TSEN2: variants seen among roughly 807,000 people sequenced by gnomAD.
TSEN2 encodes tRNA splicing endonuclease subunit 2.
In TSEN2, 54 loss-of-function variants were observed where a neutral mutation model predicts 59.2. The ratio of observed to expected loss-of-function variants is 0.91; its 90% CI spans 0.73 to 1.14. TSEN2 has a LOEUF of 1.14. Among genes scored for constraint, TSEN2 ranks in the 50% most tolerant of loss-of-function variants. The pLI is 0.00. For synonymous variants in TSEN2, 195 were observed against 198.2 expected, an observed-to-expected ratio of 0.98 and a Z score of 0.14; for missense variants, 636 against 576.2, an observed-to-expected ratio of 1.10 and a Z score of -1.06.
intron 6 of TSEN2, chr3:12,514,774 G>C (rs963209567): frequency 1.3e-5 from 2 of 152,136 alleles, no homozygotes; most frequent in Non-Finnish European, 2.9e-5. Context: ...CCTGCCCACG[G>C]ATGACACAAG....
At chr3:12,498,292 G>C (rs1326144446) in intron 4 of TSEN2, among the ~76,000 whole-genome samples, 1 of 152,086 alleles carries the variant, frequency 6.6e-6, no homozygotes, top group Non-Finnish European at 1.5e-5. Context: ...CCTTAGTCAA[G>C]GCCCCGCAGT....
intron 9 of TSEN2, among the ~76,000 whole-genome samples, chr3:12,529,465 C>CAAAAA (rs36043558): frequency 9.5e-6 from 1 of 105,704 alleles, no homozygotes. Context: ...GACTCCGTCT[C>CAAAAA]AAAAAAAAAA....
At chr3:12,505,441 C>G (rs2054709044) in intron 6 of TSEN2, 1 of 551,746 alleles carries the variant, frequency 1.8e-6, no homozygotes. Context: ...TGTTTGCAAT[C>G]ATTCCACAGA....
At chr3:12,517,158 T>C (rs1025271372) in intron 7 of TSEN2, among the ~76,000 whole-genome samples, 3 of 151,868 alleles carry the variant, frequency 2.0e-5, no homozygotes, top group East Asian at 1.9e-4. Flanking sequence ...CCATCCTGGC[T>C]ATCCTGGCTA....
chr3:12,520,919 CT>C (rs1383110512), intron 8 of TSEN2, among the ~76,000 whole-genome samples: 1 of 152,114 alleles, frequency 6.6e-6, no homozygotes, highest in Admixed American at 6.5e-5. Context: ...GTTATCTTTT[CT>C]GCTCCTCTCC....
At chr3:12,524,451 C>T (rs2056915043) in intron 8 of TSEN2, among the ~76,000 whole-genome samples, 1 of 152,172 alleles carries the variant, frequency 6.6e-6, no homozygotes, top group African/African-American at 2.4e-5. Context: ...CTTCCAGATT[C>T]TTGTGGCCCC....
At chr3:12,531,328 G>A (rs761867149) in intron 10 of TSEN2, 1 of 505,888 alleles carries the variant, frequency 2.0e-6, no homozygotes. Context: ...TTAATGCTGT[G>A]TTTATAATCA....
upstream of TSEN2, among the ~76,000 whole-genome samples, chr3:12,480,318 G>C (rs1355291691): frequency 1.3e-5 from 2 of 152,096 alleles, no homozygotes; most frequent in African/African-American, 4.8e-5. Flanking sequence ...GGCCTGCCCT[G>C]TGCCCTAGGC....
rs34334319 is a variant in TSEN2 at position 12,505,783 on chromosome 3, CA to C, written c.909+573del. 6.4e-3 allele frequency among the ~76,000 whole-genome samples: 543 copies of C among 84,680 alleles called. 2 individuals carry two copies. The highest frequency in any genetic ancestry group is 0.026 in the Middle Eastern group (3 of 116). 55.6% of individuals were successfully genotyped at this position (84,680 alleles called of 152,430 possible). A position where few individuals can be genotyped will look rare whatever the true frequency, so the allele number is the denominator to read the frequency against. On this transcript the variant is annotated intron_variant, in intron 6 of 11. Transcript: ENST00000284995. ...TGGGTGACAGAATGAAACTCTGTCTCAAAAAAAAAAAAAAAAAAAAAGGCTT... is the reference window on the plus strand; with the variant it reads ...TGGGTGACAGAATGAAACTCTGTCTCAAAAAAAAAAAAAAAAAAAAGGCTT...
Position 12,496,042 on chromosome 3 carries a change from T to C in TSEN2, c.272-476T>C, listed in dbSNP as rs2053714476. 2.0e-5 allele frequency among the ~76,000 whole-genome samples: 3 copies of C among 152,240 alleles called. No homozygotes were observed. In the South Asian group the frequency reaches 6.2e-4, roughly 32 times the overall value. Reference sequence around the variant, plus strand: ...GAGATTCTGCACAGGGAGCTAGAGCTGGATCCCTGAACTCCCAAATCCACA... The same window carrying C: ...GAGATTCTGCACAGGGAGCTAGAGCCGGATCCCTGAACTCCCAAATCCACA... On this transcript the variant is annotated intron_variant, in intron 3 of 11. Transcript: ENST00000284995.
At chr3:12,529,391 A>C (rs299633) in intron 9 of TSEN2, among the ~76,000 whole-genome samples, 179 of 151,262 alleles carry the variant, frequency 1.2e-3, no homozygotes, top group African/African-American at 4.2e-3. Context: ...GCTTGAACCC[A>C]GGAGGCGGAG....
In TSEN2 at chr3:12,519,048, A is replaced by G; in HGVS notation, c.961-11A>G. On this transcript the variant is annotated splice_polypyrimidine_tract_variant and intron_variant, in intron 7 of 11. Transcript: ENST00000284995. ...TAGTAATGCTTTTTGTTTTTTTGTA[A>G]ATAACTTTAGGAGCCTTTAACGATA... The G allele has an allele frequency of 5.0e-6, 8 of 1,614,072 alleles. No individual in the cohort carries two copies. The highest frequency in any genetic ancestry group is 6.8e-6 in the Non-Finnish European group (8 of 1,180,002).
chr3:12,528,761 T>A (rs779489955), intron 8 of TSEN2, 127 bp from the exon 9 acceptor site: 24 of 925,780 alleles, frequency 2.6e-5, no homozygotes, highest in Non-Finnish European at 3.9e-5. Flanking sequence ...TCTGTCTACA[T>A]ATAGATTATT....
chr3:12,526,561 C>A (rs1302165178), intron 8 of TSEN2, among the ~76,000 whole-genome samples: 4 of 152,136 alleles, frequency 2.6e-5, no homozygotes, highest in African/African-American at 9.7e-5. Flanking sequence ...TACACAACAA[C>A]GAAATTGCCT....
At chr3:12,496,456 T>TAA in intron 3 of TSEN2, 62 bp from the exon 4 acceptor site, 1 of 1,540,602 alleles carries the variant, frequency 6.5e-7, no homozygotes, top group Non-Finnish European at 9.0e-7. Context: ...TTTCCTAGAT[T>TAA]TTTAGTGTTT....
chr3:12,493,510 T>C (rs993922205), intron 3 of TSEN2, among the ~76,000 whole-genome samples: 16 of 152,112 alleles, frequency 1.1e-4, no homozygotes, highest in Admixed American at 5.2e-4. Context: ...GGGCAGATCA[T>C]GAGGTCAGGA....
upstream of TSEN2, among the ~76,000 whole-genome samples, chr3:12,483,834 C>A (rs959479841): frequency 1.3e-5 from 2 of 152,326 alleles, no homozygotes; most frequent in East Asian, 3.9e-4. Flanking sequence ...CAGTTTTGCT[C>A]ATCTCCCGTA....
intron 11 of TSEN2, 40 bp from the exon 12 acceptor site, chr3:12,532,622 T>C (rs2057534389): frequency 6.2e-7 from 1 of 1,609,986 alleles, no homozygotes; most frequent in Non-Finnish European, 8.5e-7. Context: ...GGTCTTACAT[T>C]TCTGTTTTAA....
chr3:12,480,859 C>G (rs2052184923), upstream of TSEN2, among the ~76,000 whole-genome samples: 1 of 152,030 alleles, frequency 6.6e-6, no homozygotes, highest in Non-Finnish European at 1.5e-5. Flanking sequence ...ATGCATTGCC[C>G]TCCTGTATCC....
Sources: allele counts gnomAD v4.1 joint callset (sites outside exome capture counted in the v4.1 genomes callset), GRCh38; gene constraint gnomAD v4.1.1; transcripts MANE v1.5; gene names NCBI Gene and HGNC (gene_info 2026-07-23, HGNC 2026-07-21).